Variants in CDH12 observed in about 807,000 individuals in gnomAD.
CDH12 encodes cadherin-12.
Under a neutral mutation model 74.1 loss-of-function variants are expected in CDH12, and 41 were observed. The observed-to-expected ratio is 0.55, with a 90% confidence interval of 0.43 to 0.72. The LOEUF is 0.72. Among genes scored for constraint, CDH12 ranks in the 30% least tolerant of loss-of-function variants. CDH12 has a pLI of 0.00. For synonymous variants in CDH12, 399 were observed against 355.0 expected (o/e 1.12, Z -1.39); for missense variants, 945 against 977.2 (o/e 0.97, Z 0.44).
intron 1 of CDH12, among the ~76,000 whole-genome samples, chr5:22,618,850 A>T (rs1737818736): frequency 1.3e-5 from 2 of 152,006 alleles, no homozygotes; most frequent in Admixed American, 6.6e-5. Flanking sequence ...CTCTCATGAT[A>T]GTGAGTAAGT....
At chr5:21,988,507 A>G (rs1560998078) in intron 5 of CDH12, among the ~76,000 whole-genome samples, 1 of 150,582 alleles carries the variant, frequency 6.6e-6, no homozygotes, top group Non-Finnish European at 1.5e-5. Flanking sequence ...AAAAAAAAAA[A>G]AAAAAAAAAA....
intron 5 of CDH12, among the ~76,000 whole-genome samples, chr5:22,073,274 T>A (rs928146226): frequency 6.6e-6 from 1 of 152,170 alleles, no homozygotes; most frequent in African/African-American, 2.4e-5. Context: ...AGTTTAGATT[T>A]AAGAATTGCT....
chr5:21,996,946 T>A (rs969868961), intron 5 of CDH12, among the ~76,000 whole-genome samples: 9 of 152,128 alleles, frequency 5.9e-5, no homozygotes, highest in African/African-American at 2.2e-4. Flanking sequence ...ATTATCTGAC[T>A]TGGGTGTGTT....
rs566193066 is a variant in CDH12, at chr5:22,252,826, AT to A, written c.-332-40184del. On this transcript the variant is annotated intron_variant, in intron 3 of 14. Coordinates refer to ENST00000382254, the MANE Select transcript of CDH12 (RefSeq NM_004061.5). ...AGCTTAATTTCTTCTATGTCCAGGA[AT>A]TTTTTTTTTCTCACCTCCCTGGCTG... is the stretch of plus-strand genomic sequence containing the variant. Among the ~76,000 whole-genome samples the A allele has an allele frequency of 5.0e-3, 751 of 149,806 alleles. 6 individuals are homozygous for A. The highest frequency in any genetic ancestry group is 0.017 in the African/African-American group (709 of 40,900).
intron 4 of CDH12, among the ~76,000 whole-genome samples, chr5:22,102,662 C>CAATAAATAAATA (rs59315895): frequency 3.4e-5 from 5 of 148,584 alleles, no homozygotes; most frequent in African/African-American, 1.0e-4. Flanking sequence ...ACTCCGTCTC[C>CAATAAATAAATA]AATAAATAAA....
chr5:21,870,099 A>C lies in CDH12; in HGVS notation c.527-15309T>G, dbSNP rs1272804480. Among the ~76,000 whole-genome samples, 5 of 152,156 alleles carry C rather than the reference A, an allele frequency of 3.3e-5. No individual in the cohort carries two copies. The South Asian group carries it at 8.3e-4, about 25-fold the overall frequency. On this transcript the variant is annotated intron_variant, in intron 6 of 14. Coordinates refer to ENST00000382254, the MANE Select transcript of CDH12 (RefSeq NM_004061.5). ...CCTCATTCTCTCTTCACCTACGGGC[A>C]TCCATGTAAGAAGTGACTTGCTCCT...
chr5:22,528,875 C>A (rs1014423107), intron 1 of CDH12, among the ~76,000 whole-genome samples: 1 of 151,818 alleles, frequency 6.6e-6, no homozygotes. Flanking sequence ...ATCTTTAAAT[C>A]TAACTAGATC....
intron 2 of CDH12, among the ~76,000 whole-genome samples, chr5:22,416,060 C>CTTTT (rs58606764): frequency 2.0e-4 from 13 of 65,150 alleles, no homozygotes; most frequent in Non-Finnish European, 3.3e-4. Context: ...ACTTGTAGGT[C>CTTTT]TTTTTTTTTT....
At chr5:22,449,463 T>C (rs1333858734) in intron 2 of CDH12, among the ~76,000 whole-genome samples, 2 of 152,102 alleles carry the variant, frequency 1.3e-5, no homozygotes. Context: ...CCATATCCAT[T>C]TTATTTAGAT....
intron 5 of CDH12, among the ~76,000 whole-genome samples, chr5:22,059,295 C>CT (rs1554005222): frequency 0.012 from 1,534 of 129,670 alleles, 20 homozygotes; most frequent in South Asian, 0.04. Flanking sequence ...ATCTATCTAT[C>CT]ATCTATCTAT....
chr5:22,011,365 C>G (rs1737282350), intron 5 of CDH12, among the ~76,000 whole-genome samples: 2 of 152,094 alleles, frequency 1.3e-5, no homozygotes, highest in South Asian at 4.1e-4. Flanking sequence ...AGATTATTTA[C>G]TTAAAGTTAT....
intron 2 of CDH12, among the ~76,000 whole-genome samples, chr5:22,438,855 GAAT>G (rs1258386708): frequency 2.6e-5 from 4 of 151,414 alleles, no homozygotes; most frequent in Non-Finnish European, 5.9e-5. Context: ...ATAAAAAATT[GAAT>G]AATATCATTT....
intron 1 of CDH12, among the ~76,000 whole-genome samples, chr5:22,793,399 T>C (rs1277539739): frequency 6.6e-6 from 1 of 152,224 alleles, no homozygotes; most frequent in East Asian, 1.9e-4. Context: ...ATAACTACTT[T>C]ATAGTTTTCA....
chr5:22,396,522 C>A (rs1284966971), intron 3 of CDH12, among the ~76,000 whole-genome samples: 2 of 152,112 alleles, frequency 1.3e-5, no homozygotes, highest in African/African-American at 4.8e-5. Flanking sequence ...CTGGGATTAG[C>A]AGGTGACTGA....
At position 22,686,448 on chromosome 5, in the gene CDH12, G is replaced by A. The variant is rs184286451; in HGVS notation, c.-523+166610C>T. On this transcript the variant is annotated intron_variant, in intron 1 of 14. Coordinates refer to ENST00000382254, the MANE Select transcript of CDH12 (RefSeq NM_004061.5). ...TTGGTGTCATGTTCAAGAAGTCTTC[G>A]CCTAACTAAAGGTCATGAAGATTTA... is the stretch of plus-strand genomic sequence containing the variant. 1.4e-3 allele frequency among the ~76,000 whole-genome samples: 212 copies of A among 152,204 alleles called. 1 individual carries two copies. Among genetic ancestry groups the A allele is most frequent in the African/African-American group, 4.7e-3 (195 of 41,538 alleles).
chr5:22,260,934 A>C (rs1343551629), intron 3 of CDH12, among the ~76,000 whole-genome samples: 1 of 151,998 alleles, frequency 6.6e-6, no homozygotes, highest in Non-Finnish European at 1.5e-5. Flanking sequence ...ATAGTAACAC[A>C]ATAAACACAG....
intron 4 of CDH12, among the ~76,000 whole-genome samples, chr5:22,079,665 GCTGGATCCCTA>G (rs1261224805): frequency 6.6e-6 from 1 of 152,060 alleles, no homozygotes; most frequent in Non-Finnish European, 1.5e-5. Context: ...TCAGAGAAAA[GCTGGATCCCTA>G]CCAGATGCAG....
intron 3 of CDH12, among the ~76,000 whole-genome samples, chr5:22,225,332 C>G (rs1280859214): frequency 2.0e-5 from 3 of 151,962 alleles, no homozygotes; most frequent in Non-Finnish European, 4.4e-5. Flanking sequence ...GTTTTGTATT[C>G]AGATATAAAG....
At chr5:22,692,577 G>A (rs888879298) in intron 1 of CDH12, among the ~76,000 whole-genome samples, 1 of 152,100 alleles carries the variant, frequency 6.6e-6, no homozygotes, top group Non-Finnish European at 1.5e-5. Context: ...AGTTCAATTA[G>A]TTTAGTTCTT....
Sources: allele counts gnomAD v4.1 joint callset (sites outside exome capture counted in the v4.1 genomes callset), GRCh38; gene constraint gnomAD v4.1.1; transcripts MANE v1.5; gene names NCBI Gene and HGNC (gene_info 2026-07-23, HGNC 2026-07-21).